Variants in TFEC observed in about 807,000 individuals in gnomAD.
TFEC encodes class E basic helix-loop-helix protein 34.
A neutral mutation model predicts 41.6 loss-of-function variants in TFEC; 31 were observed. That is an observed-to-expected ratio of 0.74 (90% CI 0.56 to 1.01). The LOEUF is 1.01. Among genes scored for constraint, TFEC ranks in the 50% least tolerant of loss-of-function variants. The pLI, the probability that TFEC is intolerant of heterozygous loss-of-function variation, is 0.00. For synonymous variants in TFEC, 143 were observed against 140.6 expected, an observed-to-expected ratio of 1.02 and a Z score of -0.12; for missense variants, 402 against 404.1, an observed-to-expected ratio of 0.99 and a Z score of 0.04.
At chr7:115,963,978 G>A (rs1425587969) in intron 3 of TFEC, among the ~76,000 whole-genome samples, 3 of 151,632 alleles carry the variant, frequency 2.0e-5, no homozygotes, top group Non-Finnish European at 4.4e-5. Flanking sequence ...CAGGGAGCAA[G>A]ATAAGGATGC....
At chr7:115,987,771 A>G (rs2130697231) in intron 1 of TFEC, among the ~76,000 whole-genome samples, 1 of 152,300 alleles carries the variant, frequency 6.6e-6, no homozygotes, top group South Asian at 2.1e-4. Flanking sequence ...AAACACATAT[A>G]AAATGTGTTT....
intron 3 of TFEC, among the ~76,000 whole-genome samples, chr7:116,044,903 G>A (rs913838417): frequency 1.3e-5 from 2 of 152,168 alleles, no homozygotes; most frequent in African/African-American, 4.8e-5. Context: ...TTAGAAGAGG[G>A]ACGAAATTAG....
intron 1 of TFEC, among the ~76,000 whole-genome samples, chr7:115,995,184 C>T (rs1345715674): frequency 9.1e-6 from 1 of 109,896 alleles, no homozygotes; most frequent in Non-Finnish European, 1.7e-5. Context: ...ACATCACACA[C>T]TGGGGCCTGT....
chr7:116,091,791 T>C (rs1300561443), intron 3 of TFEC, among the ~76,000 whole-genome samples: 3 of 152,078 alleles, frequency 2.0e-5, no homozygotes, highest in Non-Finnish European at 1.5e-5. Context: ...TATAAACATG[T>C]GCTTAGTTGT....
intron 2 of TFEC, among the ~76,000 whole-genome samples, chr7:115,975,157 T>C (rs1793324635): frequency 6.6e-6 from 1 of 152,016 alleles, no homozygotes; most frequent in South Asian, 2.1e-4. Context: ...AAACTTTCCT[T>C]CCCTTCTGTA....
At chr7:116,044,760 G>A (rs1379363292) in intron 3 of TFEC, among the ~76,000 whole-genome samples, 2 of 152,204 alleles carry the variant, frequency 1.3e-5, no homozygotes, top group African/African-American at 4.8e-5. Context: ...GCCTTTCTCA[G>A]GCTGGGAGGC....
intron 1 of TFEC, among the ~76,000 whole-genome samples, chr7:116,118,028 C>T (rs947461230): frequency 1.3e-5 from 2 of 151,802 alleles, no homozygotes; most frequent in South Asian, 2.1e-4. Flanking sequence ...GCACTAAAAG[C>T]ATCTAAAATG....
chr7:116,000,549 G>A (rs1038662167), intron 1 of TFEC, among the ~76,000 whole-genome samples: 3 of 152,046 alleles, frequency 2.0e-5, no homozygotes, highest in Non-Finnish European at 4.4e-5. Flanking sequence ...AAAACCTAAA[G>A]ACTCCACACA....
chr7:116,025,810 C>T (rs1298767371), intron 1 of TFEC, among the ~76,000 whole-genome samples: 1 of 152,172 alleles, frequency 6.6e-6, no homozygotes, highest in African/African-American at 2.4e-5. Flanking sequence ...TGTAGTAGTA[C>T]ATCACCTTCA....
intron 5 of TFEC, among the ~76,000 whole-genome samples, chr7:115,951,937 C>G (rs1791966416): frequency 6.6e-6 from 1 of 151,958 alleles, no homozygotes; most frequent in Non-Finnish European, 1.5e-5. Flanking sequence ...TATACTTATA[C>G]ATGGTATCTT....
At chr7:116,155,570 GA>G (rs1050599596) in intron 1 of TFEC, among the ~76,000 whole-genome samples, 2 of 151,008 alleles carry the variant, frequency 1.3e-5, no homozygotes, top group African/African-American at 2.4e-5. Flanking sequence ...GCAGTGCCAG[GA>G]AAAAAAAAGA....
rs183757883 is a variant in TFEC at position 116,014,512 on chromosome 7, A to G, written c.-73+16121T>C. 6.3e-3 allele frequency among the ~76,000 whole-genome samples: 952 copies of G among 152,298 alleles called. 8 individuals carry two copies. Among genetic ancestry groups the G allele is most frequent in the Non-Finnish European group, 9.4e-3 (637 of 68,026 alleles). On this transcript the variant is annotated intron_variant, in intron 1 of 7. Coordinates refer to ENST00000265440, the MANE Select transcript of TFEC (RefSeq NM_012252.4). ...TTTAAAAAAGAAAAAAAATTCATTG[A>G]AAATTTACAAATTAAAACAAAAATA...
intron 3 of TFEC, among the ~76,000 whole-genome samples, chr7:115,957,330 A>T (rs938844371): frequency 1.3e-5 from 2 of 151,834 alleles, no homozygotes; most frequent in Non-Finnish European, 2.9e-5. Context: ...ACTTTTTCTC[A>T]TTGTACACTT....
At chr7:115,992,444 A>C (rs1794164000) in intron 1 of TFEC, among the ~76,000 whole-genome samples, 1 of 152,234 alleles carries the variant, frequency 6.6e-6, no homozygotes, top group Admixed American at 6.5e-5. Context: ...GATCAACAAA[A>C]TTGATAGACC....
At chr7:116,096,490 G>T (rs1040573471) in intron 3 of TFEC, among the ~76,000 whole-genome samples, 4 of 152,006 alleles carry the variant, frequency 2.6e-5, no homozygotes, top group African/African-American at 9.7e-5. Context: ...TCATTGTTTT[G>T]GATTTTAGCC....
rs1011778351 is a variant in TFEC at position 116,104,732 on chromosome 7, AT to A, written c.198+5975del. 9.2e-4 allele frequency among the ~76,000 whole-genome samples: 139 copies of A among 151,444 alleles called. 1 individual carries two copies. The highest frequency in any genetic ancestry group is 3.3e-3 in the African/African-American group (135 of 41,228). On this transcript the variant is annotated intron_variant, in intron 3 of 8. Coordinates refer to the TFEC transcript ENST00000484212. ...TATAATATACAGTCCACTTGACATA[AT>A]TTTTTAAGCCTGTATTTCACAAAAA...
chr7:116,087,774 CAACTTGT>C (rs1797234640), intron 3 of TFEC, among the ~76,000 whole-genome samples: 1 of 151,844 alleles, frequency 6.6e-6, no homozygotes, highest in Non-Finnish European at 1.5e-5. Flanking sequence ...GAAAAATTTC[CAACTTGT>C]AATTAAATAG....
At chr7:116,072,182 T>C (rs1347663642) in intron 3 of TFEC, among the ~76,000 whole-genome samples, 1 of 151,576 alleles carries the variant, frequency 6.6e-6, no homozygotes, top group Non-Finnish European at 1.5e-5. Context: ...TTTTTAGTTC[T>C]AATAGCTTTA....
intron 1 of TFEC, among the ~76,000 whole-genome samples, chr7:116,028,421 A>T (rs1208350458): frequency 6.6e-6 from 1 of 152,152 alleles, no homozygotes; most frequent in Admixed American, 6.5e-5. Flanking sequence ...TTCCTACAAG[A>T]CTACTGTTAA....
Sources: gnomAD v4.1 joint callset for allele counts (sites outside exome capture counted in the v4.1 genomes callset) on GRCh38, gnomAD v4.1.1 for gene constraint, MANE v1.5 for transcripts, NCBI Gene and HGNC (gene_info 2026-07-23, HGNC 2026-07-21) for gene names.